CCDC170: variants seen among roughly 807,000 people sequenced by gnomAD.
CCDC170 encodes coiled-coil domain-containing protein 170.
CCDC170 carries 69 observed loss-of-function variants against 72.6 expected under a neutral mutation model. The observed-to-expected ratio is 0.95, with a 90% CI of 0.78 to 1.16. The LOEUF is 1.16. Among genes scored for constraint, CCDC170 ranks in the 50% most tolerant of loss-of-function variants. CCDC170 has a pLI of 0.00. For missense variants in CCDC170, 852 were observed against 832.5 expected, an observed-to-expected ratio of 1.02 and a Z score of -0.29; for synonymous variants, 300 against 303.9, an observed-to-expected ratio of 0.99 and a Z score of 0.13.
intron 1 of CCDC170, among the ~76,000 whole-genome samples, chr6:151,497,296 A>T (rs1166654879): frequency 1.3e-5 from 2 of 152,164 alleles, no homozygotes; most frequent in African/African-American, 4.8e-5. Context: ...TGGGAGGATC[A>T]CTTGAGCCCA....
chr6:151,514,350 A>AC (rs2115028232), intron 1 of CCDC170, among the ~76,000 whole-genome samples: 1 of 27,698 alleles, frequency 3.6e-5, no homozygotes, highest in Non-Finnish European at 6.9e-5. Context: ...GGAGGGAGGG[A>AC]GGGAGGGAGG....
rs375414063 is a variant in CCDC170 at position 151,529,474 on chromosome 6, T to C, written c.58-6844T>C. 3.3e-5 allele frequency among the ~76,000 whole-genome samples: 5 copies of C among 152,114 alleles called. No individual in the cohort carries two copies. In the South Asian group the frequency reaches 1.0e-3, roughly 32 times the overall value. On this transcript the variant is annotated intron_variant, in intron 1 of 10. Coordinates refer to ENST00000239374, the MANE Select transcript of CCDC170 (RefSeq NM_025059.4). ...GAGATCGAGACCAGCCGGGCCAACA[T>C]GGTGAAACCCCGTCTCCACTAAAAA...
At chr6:151,602,667 C>A (rs924119519) in intron 9 of CCDC170, among the ~76,000 whole-genome samples, 1 of 152,150 alleles carries the variant, frequency 6.6e-6, no homozygotes, top group Non-Finnish European at 1.5e-5. Flanking sequence ...TCACTCTTGC[C>A]TGCCACCATG....
chr6:151,524,985 T>A (rs979902698), intron 1 of CCDC170, among the ~76,000 whole-genome samples: 2 of 139,330 alleles, frequency 1.4e-5, no homozygotes, highest in Non-Finnish European at 3.0e-5. Context: ...CAGGCTGGAG[T>A]GCAGTGGTGC....
chr6:151,577,587 C>T (rs1176271682), intron 6 of CCDC170, among the ~76,000 whole-genome samples: 1 of 151,782 alleles, frequency 6.6e-6, no homozygotes, highest in Non-Finnish European at 1.5e-5. Context: ...TATTTCCTTC[C>T]TTGAGGTGTT....
At chr6:151,510,731 GT>G (rs775846153) in intron 1 of CCDC170, among the ~76,000 whole-genome samples, 9 of 150,950 alleles carry the variant, frequency 6.0e-5, no homozygotes, top group Non-Finnish European at 7.4e-5. Context: ...TTATAAGTAA[GT>G]TTTTTTTCTT....
chr6:151,611,716 T>A (rs919922970), intron 9 of CCDC170, among the ~76,000 whole-genome samples: 2 of 151,986 alleles, frequency 1.3e-5, no homozygotes, highest in African/African-American at 4.8e-5. Flanking sequence ...ACTGTTTTTG[T>A]TTTTGTTTTT....
intron 9 of CCDC170, among the ~76,000 whole-genome samples, chr6:151,607,630 A>G (rs534132520): frequency 6.7e-6 from 1 of 149,650 alleles, no homozygotes; most frequent in East Asian, 2.0e-4. Context: ...GTTGATAGGC[A>G]TTTTTTTTTT....
intron 5 of CCDC170, among the ~76,000 whole-genome samples, chr6:151,563,720 A>G (rs750193415): frequency 6.6e-6 from 1 of 152,112 alleles, no homozygotes; most frequent in African/African-American, 2.4e-5. Flanking sequence ...GATGCCCCCA[A>G]TAGTGTTGAC....
intron 1 of CCDC170, among the ~76,000 whole-genome samples, chr6:151,519,965 C>G (rs754163010): frequency 1.6e-4 from 25 of 152,120 alleles, no homozygotes; most frequent in Non-Finnish European, 3.5e-4. Flanking sequence ...CCTGTTTTAT[C>G]AGCAGGGTCT....
chr6:151,536,341 A>T lies in CCDC170; in HGVS notation c.81A>T (p.Glu27Asp). ...APEETYDHLS[E>D]VPVTREQLNH... is the part of the protein sequence containing the mutation. ...AGGAAACTTACGATCATCTTTCGGA[A>T]GTCCCGGTCACGCGGGAGCAGTTAA... The change falls in exon 2 of 11, where the codon GAA becomes GAT. Residue 27 changes from glutamate to aspartate, a missense_variant. Physicochemically the swap from Glu to Asp is conservative, Grantham distance 45. Coordinates refer to ENST00000239374, the MANE Select transcript of CCDC170 (RefSeq NM_025059.4). 1 of 1,613,972 alleles carries T rather than the reference A, an allele frequency of 6.2e-7. No homozygotes were observed. The highest frequency in any genetic ancestry group is 8.5e-7 in the Non-Finnish European group (1 of 1,179,816).
At chr6:151,566,863 C>G (rs895910510) in intron 5 of CCDC170, among the ~76,000 whole-genome samples, 3 of 152,300 alleles carry the variant, frequency 2.0e-5, no homozygotes, top group African/African-American at 7.2e-5. Context: ...TGCTAGTTCA[C>G]TTAGTTAATC....
chr6:151,570,047 C>T lies in CCDC170; in HGVS notation c.775-3127C>T, dbSNP rs570810782. On this transcript the variant is annotated intron_variant, in intron 5 of 10. Transcript: ENST00000239374. ...GATTTGTTAGAGAGGATTGTTTTGG[C>T]CCTTTTCTTGAAGTCAGTGAAACAT... 2.6e-5 allele frequency among the ~76,000 whole-genome samples: 4 copies of T among 152,196 alleles called. No individual in the cohort carries two copies. The East Asian group carries it at 7.7e-4, about 29-fold the overall frequency.
At chr6:151,613,685 C>T (rs1345489208) in intron 9 of CCDC170, among the ~76,000 whole-genome samples, 1 of 152,148 alleles carries the variant, frequency 6.6e-6, no homozygotes, top group African/African-American at 2.4e-5. Flanking sequence ...TTCTTTTTTA[C>T]TGCTGAATGA....
intron 10 of CCDC170, chr6:151,615,952 G>A: frequency 3.3e-6 from 1 of 304,526 alleles, no homozygotes; most frequent in South Asian, 5.6e-5. Flanking sequence ...TGCCCCTCCA[G>A]CATCTTTTTG....
At chr6:151,612,043 T>C (rs114655782) in intron 9 of CCDC170, among the ~76,000 whole-genome samples, 2,178 of 152,270 alleles carry the variant, frequency 0.014, 44 homozygotes, top group African/African-American at 0.05. Context: ...TCAGCAGATA[T>C]TTGACTCTGG....
chr6:151,541,504 A>T (rs1297347367), intron 3 of CCDC170, among the ~76,000 whole-genome samples: 2 of 152,076 alleles, frequency 1.3e-5, no homozygotes, highest in Non-Finnish European at 2.9e-5. Flanking sequence ...GGTGCACACC[A>T]CTGCGCCTGG....
At chr6:151,494,306 G>A in intron 1 of CCDC170, 121 bp downstream of exon 1, 1 of 1,073,166 alleles carries the variant, frequency 9.3e-7, no homozygotes, top group Non-Finnish European at 1.2e-6. Context: ...AATCAGAGCA[G>A]CTCTGTGCCC....
intron 5 of CCDC170, among the ~76,000 whole-genome samples, chr6:151,568,221 T>C (rs1776167189): frequency 6.6e-6 from 1 of 151,928 alleles, no homozygotes; most frequent in South Asian, 2.1e-4. Context: ...ATGATCTTGT[T>C]GGGACTGTGA....
Sources: gnomAD v4.1 joint callset for allele counts (sites outside exome capture counted in the v4.1 genomes callset) on GRCh38, gnomAD v4.1.1 for gene constraint, MANE v1.5 for transcripts, NCBI Gene and HGNC (gene_info 2026-07-23, HGNC 2026-07-21) for gene names.